The following FOXP2 variants were observed in gnomAD, a reference collection of about 807,000 sequenced individuals.
The protein encoded by FOXP2 is forkhead box protein P2.
In FOXP2, 12 loss-of-function variants were observed where a neutral mutation model predicts 115.8. The observed-to-expected ratio is 0.10, with a 90% CI of 0.07 to 0.17. The LOEUF is 0.17. FOXP2 is among the 10% of genes least tolerant of loss of function. FOXP2 has a pLI of 1.00. For synonymous variants in FOXP2, 328 were observed against 297.7 expected (o/e 1.10, Z -1.05); for missense variants, 629 against 843.5 (o/e 0.75, Z 3.15).
intron 2 of FOXP2, among the ~76,000 whole-genome samples, chr7:114,311,140 G>A (rs1282283577): frequency 6.6e-6 from 1 of 152,084 alleles, no homozygotes; most frequent in Non-Finnish European, 1.5e-5. Flanking sequence ...TTATTTTAGA[G>A]AGATGGTTAA....
intron 2 of FOXP2, among the ~76,000 whole-genome samples, chr7:114,486,252 T>C (rs886551821): frequency 6.6e-6 from 1 of 152,066 alleles, no homozygotes; most frequent in Admixed American, 6.6e-5. Flanking sequence ...AAGACATATC[T>C]TACATGGTGG....
chr7:114,091,836 G>C (rs1350599048), intron 1 of FOXP2, among the ~76,000 whole-genome samples: 1 of 151,878 alleles, frequency 6.6e-6, no homozygotes, highest in Non-Finnish European at 1.5e-5. Context: ...CATCTATGGG[G>C]TTTAGGTTCA....
At chr7:114,578,958 A>G (rs1373970727) in intron 3 of FOXP2, among the ~76,000 whole-genome samples, 1 of 152,180 alleles carries the variant, frequency 6.6e-6, no homozygotes, top group East Asian at 1.9e-4. Context: ...AAGGCAATAG[A>G]AATTTAGTTT....
intron 2 of FOXP2, among the ~76,000 whole-genome samples, chr7:114,298,192 A>G (rs1162575950): frequency 6.6e-6 from 1 of 152,168 alleles, no homozygotes; most frequent in Non-Finnish European, 1.5e-5. Context: ...ACTTGTAGCA[A>G]CATGCCAAAC....
chr7:114,531,068 C>T (rs1799119798), intron 2 of FOXP2, among the ~76,000 whole-genome samples: 2 of 151,634 alleles, frequency 1.3e-5, no homozygotes. Flanking sequence ...TAATTAAAAA[C>T]AAATGTGTTT....
chr7:114,150,120 A>T (rs76209304), intron 1 of FOXP2, among the ~76,000 whole-genome samples: 4,315 of 152,112 alleles, frequency 0.028, 143 homozygotes, highest in East Asian at 0.13. Context: ...AATTTGGCTT[A>T]TTTGATTTTA....
rs574373005 is a variant in FOXP2, at chr7:114,322,869, C to A, written c.-11+34760C>A. Among the ~76,000 whole-genome samples, 3 of 151,960 alleles carry A rather than the reference C, an allele frequency of 2.0e-5. No homozygotes were observed. In the East Asian group the frequency reaches 5.8e-4, roughly 29 times the overall value. On this transcript the variant is annotated intron_variant, in intron 2 of 17. Coordinates refer to the FOXP2 transcript ENST00000634411. ...GTTGGTTGATATTTATGTGTGTTTGCGTGTGAGGGAGATTTAGGTTTTGTA... is the reference window on the plus strand; with the variant it reads ...GTTGGTTGATATTTATGTGTGTTTGAGTGTGAGGGAGATTTAGGTTTTGTA...
At chr7:114,663,420 T>C in intron 14 of FOXP2, 30 bp from the exon 15 acceptor site, 2 of 1,452,992 alleles carry the variant, frequency 1.4e-6, no homozygotes, top group Non-Finnish European at 1.9e-6. Context: ...TTTTGACGTA[T>C]AAATGATCTT....
chr7:114,289,298 T>G (rs938351870), intron 2 of FOXP2, among the ~76,000 whole-genome samples: 1 of 151,896 alleles, frequency 6.6e-6, no homozygotes, highest in African/African-American at 2.4e-5. Context: ...ACATTATTAT[T>G]CTTTGATAAG....
chr7:114,636,753 C>T (rs556133828), intron 6 of FOXP2, among the ~76,000 whole-genome samples: 8 of 151,402 alleles, frequency 5.3e-5, no homozygotes, highest in Admixed American at 1.3e-4. Flanking sequence ...TTGAAACTAG[C>T]GTAGACATTT....
At chr7:114,463,036 T>C in intron 2 of FOXP2, 1 of 431,922 alleles carries the variant, frequency 2.3e-6, no homozygotes, top group Non-Finnish European at 4.6e-6. Flanking sequence ...TTTCATTTAT[T>C]ATGTTTTTTA....
chr7:114,469,417 A>T (rs1299690497), intron 2 of FOXP2, among the ~76,000 whole-genome samples: 1 of 152,154 alleles, frequency 6.6e-6, no homozygotes, highest in Non-Finnish European at 1.5e-5. Flanking sequence ...GCTCATCCTT[A>T]TTCTTGACTT....
At chr7:114,529,263 T>A (rs530098324) in intron 2 of FOXP2, among the ~76,000 whole-genome samples, 1 of 151,974 alleles carries the variant, frequency 6.6e-6, no homozygotes, top group East Asian at 1.9e-4. Flanking sequence ...TTTCATAGAA[T>A]TTCTGAGGTC....
chr7:114,436,319 A>T (rs1794346981), intron 2 of FOXP2, among the ~76,000 whole-genome samples: 2 of 151,460 alleles, frequency 1.3e-5, no homozygotes, highest in Admixed American at 1.3e-4. Flanking sequence ...ACAATTTCAT[A>T]TTTATGTATG....
chr7:114,390,682 G>A (rs1016833077), intron 2 of FOXP2, among the ~76,000 whole-genome samples: 3 of 151,954 alleles, frequency 2.0e-5, no homozygotes, highest in African/African-American at 7.3e-5. Flanking sequence ...AGCCTCCTGA[G>A]TAGCTGGGAC....
chr7:114,135,837 G>C (rs989624682), intron 1 of FOXP2, among the ~76,000 whole-genome samples: 2 of 152,068 alleles, frequency 1.3e-5, no homozygotes, highest in Non-Finnish European at 2.9e-5. Flanking sequence ...TATTTGTAAA[G>C]CAAATGTGAA....
chr7:114,396,313 C>T (rs1213561020), intron 2 of FOXP2, among the ~76,000 whole-genome samples: 2 of 152,080 alleles, frequency 1.3e-5, no homozygotes, highest in Admixed American at 6.6e-5. Flanking sequence ...ACAATGACTT[C>T]CAGTTCCATC....
intron 8 of FOXP2, among the ~76,000 whole-genome samples, chr7:114,648,803 C>G (rs188950268): frequency 2.6e-4 from 39 of 152,122 alleles, no homozygotes; most frequent in Non-Finnish European, 4.0e-4. Flanking sequence ...AATCAATATA[C>G]CTATAAAGTG....
intron 2 of FOXP2, among the ~76,000 whole-genome samples, chr7:114,465,771 T>C (rs1281902717): frequency 1.3e-5 from 2 of 152,184 alleles, no homozygotes; most frequent in Admixed American, 6.5e-5. Flanking sequence ...GTGTTACCAA[T>C]TGAGTAGCCA....
Sources: allele counts gnomAD v4.1 joint callset (sites outside exome capture counted in the v4.1 genomes callset), GRCh38; gene constraint gnomAD v4.1.1; transcripts MANE v1.5; gene names NCBI Gene and HGNC (gene_info 2026-07-23, HGNC 2026-07-21).